Variants in NFIB observed in about 807,000 individuals in gnomAD.
The protein encoded by NFIB is nuclear factor I B, also known as nuclear factor 1 B-type.
A neutral mutation model predicts 61.5 loss-of-function variants in NFIB; 11 were observed. The observed-to-expected ratio is 0.18, with a 90% CI of 0.11 to 0.30. The LOEUF is 0.30. Ranked by LOEUF, NFIB falls within the 10% of genes least tolerant of loss-of-function variation. The probability of loss-of-function intolerance (pLI) is 1.00; values close to 1 mark genes in which losing one functional copy is unlikely to be tolerated. For missense variants in NFIB, 471 were observed against 608.9 expected, an observed-to-expected ratio of 0.77 and a Z score of 2.38; for synonymous variants, 260 against 216.5, an observed-to-expected ratio of 1.20 and a Z score of -1.76.
At chr9:14,428,086 C>T in the NFIB span, among the ~76,000 whole-genome samples, 1 of 151,260 alleles carries the variant, frequency 6.6e-6, no homozygotes, top group Non-Finnish European at 1.5e-5. Context: ...GCTGGGACTA[C>T]AGGCATATGC....
At chr9:14,392,836 C>G (rs1413352052) in intron 1 of NFIB, among the ~76,000 whole-genome samples, 5 of 152,188 alleles carry the variant, frequency 3.3e-5, no homozygotes, top group Non-Finnish European at 7.3e-5. Flanking sequence ...CATGCTAATA[C>G]CTGGCAACTA....
chr9:14,347,580 T>C (rs1022912183), intron 1 of NFIB, among the ~76,000 whole-genome samples: 7 of 102,294 alleles, frequency 6.8e-5, no homozygotes, highest in East Asian at 4.6e-4. Flanking sequence ...CTGGGTGCGA[T>C]TGGGAGAGGG....
intron 2 of NFIB, among the ~76,000 whole-genome samples, chr9:14,197,773 A>G (rs1380792030): frequency 6.6e-6 from 1 of 152,184 alleles, no homozygotes; most frequent in Non-Finnish European, 1.5e-5. Context: ...CGCTTTAGCA[A>G]ATTTTGGAAA....
intron 1 of NFIB, among the ~76,000 whole-genome samples, chr9:14,383,711 C>A (rs2061515826): frequency 6.6e-6 from 1 of 152,228 alleles, no homozygotes; most frequent in African/African-American, 2.4e-5. Context: ...TGTTTTCCTG[C>A]ACCTTTCATC....
chr9:14,363,365 A>C (rs1245390903), intron 1 of NFIB, among the ~76,000 whole-genome samples: 1 of 152,098 alleles, frequency 6.6e-6, no homozygotes, highest in Non-Finnish European at 1.5e-5. Flanking sequence ...ACTGTGGGCT[A>C]ATTATTACAA....
At chr9:14,248,274 C>T (rs947804023) in intron 2 of NFIB, among the ~76,000 whole-genome samples, 4 of 151,096 alleles carry the variant, frequency 2.6e-5, no homozygotes, top group Admixed American at 2.0e-4. Context: ...TCCTTCCCAC[C>T]TAAACTGCCC....
At chr9:14,173,511 A>G (rs1007485852) in intron 3 of NFIB, among the ~76,000 whole-genome samples, 2 of 152,214 alleles carry the variant, frequency 1.3e-5, no homozygotes, top group Non-Finnish European at 2.9e-5. Flanking sequence ...AGCAAGGTTC[A>G]TGTGTAACTC....
the NFIB span, among the ~76,000 whole-genome samples, chr9:14,521,554 G>A: frequency 7.2e-6 from 1 of 139,380 alleles, no homozygotes; most frequent in African/African-American, 3.4e-5. Flanking sequence ...TTAATAATAA[G>A]ATAATATATG....
the NFIB span, among the ~76,000 whole-genome samples, chr9:14,429,890 T>A: frequency 6.6e-6 from 1 of 152,346 alleles, no homozygotes; most frequent in East Asian, 1.9e-4. Context: ...AACCACTTAT[T>A]CTTCATAATT....
the NFIB span, among the ~76,000 whole-genome samples, chr9:14,487,279 T>C: frequency 5.1e-4 from 78 of 152,334 alleles, no homozygotes; most frequent in African/African-American, 1.8e-3. Flanking sequence ...TTTATATTGC[T>C]GCCTTTCACT....
chr9:14,115,772 G>C (rs1421135185), intron 9 of NFIB, among the ~76,000 whole-genome samples: 2 of 152,134 alleles, frequency 1.3e-5, no homozygotes, highest in African/African-American at 4.8e-5. Flanking sequence ...ACCTTACAGA[G>C]GCACTGATTC....
chr9:14,372,378 G>A (rs1487065084), intron 1 of NFIB, among the ~76,000 whole-genome samples: 1 of 152,136 alleles, frequency 6.6e-6, no homozygotes, highest in Admixed American at 6.5e-5. Flanking sequence ...ATGTTGAAGA[G>A]AGGGCATTAT....
intron 2 of NFIB, 38 bp downstream of exon 2, chr9:14,306,951 T>G (rs762573127): frequency 6.2e-7 from 1 of 1,604,048 alleles, no homozygotes. Context: ...TTGTAGGCGG[T>G]GTTTGCCGTG....
At chr9:14,113,852 T>C (rs969701487) in intron 9 of NFIB, among the ~76,000 whole-genome samples, 4 of 152,176 alleles carry the variant, frequency 2.6e-5, no homozygotes, top group African/African-American at 9.7e-5. Flanking sequence ...CAAGTACTTT[T>C]TGTACAACTG....
chr9:14,316,089 C>T (rs993467592), upstream of NFIB, among the ~76,000 whole-genome samples: 1 of 152,170 alleles, frequency 6.6e-6, no homozygotes, highest in Non-Finnish European at 1.5e-5. Context: ...CCTCCCCCAG[C>T]GGACCTGGAG....
intron 7 of NFIB, among the ~76,000 whole-genome samples, chr9:14,121,191 T>G (rs7034613): frequency 0.25 from 37,622 of 152,120 alleles, 5,167 homozygotes; most frequent in African/African-American, 0.37. Flanking sequence ...TTGAATCCAG[T>G]AGACGGAGGT....
chr9:14,371,747 G>A (rs1481311993), intron 1 of NFIB, among the ~76,000 whole-genome samples: 2 of 152,182 alleles, frequency 1.3e-5, no homozygotes, highest in East Asian at 3.9e-4. Flanking sequence ...CCCTTTAACA[G>A]GGAAGGGGCT....
At chr9:14,505,983 A>G in the NFIB span, among the ~76,000 whole-genome samples, 25 of 152,224 alleles carry the variant, frequency 1.6e-4, no homozygotes, top group Admixed American at 1.3e-4. Flanking sequence ...CAGAAATGGT[A>G]TTACACAATC....
intron 6 of NFIB, among the ~76,000 whole-genome samples, chr9:14,132,589 T>C (rs2040524833): frequency 1.3e-5 from 2 of 152,092 alleles, no homozygotes; most frequent in African/African-American, 4.8e-5. Context: ...TTAATTATTT[T>C]AGAGACAAGG....
Sources: allele counts gnomAD v4.1 joint callset (sites outside exome capture counted in the v4.1 genomes callset), GRCh38; gene constraint gnomAD v4.1.1; transcripts MANE v1.5; gene names NCBI Gene and HGNC (gene_info 2026-07-23, HGNC 2026-07-21).